The following LHFPL2 variants were observed in gnomAD, a reference collection of about 807,000 sequenced individuals.
The protein encoded by LHFPL2 is LHFPL tetraspan subfamily member 2.
In LHFPL2, 7 loss-of-function variants were observed where a neutral mutation model predicts 17.5. That is an observed-to-expected ratio of 0.40 (90% CI 0.23 to 0.75). The LOEUF (loss-of-function observed/expected upper bound fraction) is 0.75, where lower values mean the gene tolerates loss of function less well. LHFPL2 is among the 30% of genes least tolerant of loss of function. LHFPL2 has a pLI of 0.37. For missense variants in LHFPL2, 241 were observed against 294.8 expected (o/e 0.82, Z 1.34); for synonymous variants, 134 against 116.2 (o/e 1.15, Z -0.99).
intron 4 of LHFPL2, among the ~76,000 whole-genome samples, chr5:78,495,376 C>T (rs540333759): frequency 6.6e-6 from 1 of 152,188 alleles, no homozygotes; most frequent in Non-Finnish European, 1.5e-5. Context: ...CTTTGTGGGT[C>T]ACCAACCATT....
intron 2 of LHFPL2, among the ~76,000 whole-genome samples, chr5:78,588,545 T>A (rs538469393): frequency 3.9e-5 from 6 of 152,304 alleles, no homozygotes; most frequent in East Asian, 1.9e-4. Flanking sequence ...CTATTTTTTT[T>A]AATGAGAAAC....
At chr5:78,514,357 TAAAA>T (rs56725399) in intron 3 of LHFPL2, among the ~76,000 whole-genome samples, 42,157 of 147,150 alleles carry the variant, frequency 0.29, 6,185 homozygotes, top group East Asian at 0.47. Context: ...CCTCTTCACT[TAAAA>T]AAAAAAAAAA....
At chr5:78,578,506 G>A (rs1295837863) in intron 2 of LHFPL2, among the ~76,000 whole-genome samples, 2 of 152,040 alleles carry the variant, frequency 1.3e-5, no homozygotes, top group African/African-American at 4.8e-5. Context: ...TTCTGGTACA[G>A]AGGTTTTGGC....
At chr5:78,512,712 G>A (rs1157911912) in intron 3 of LHFPL2, among the ~76,000 whole-genome samples, 1 of 150,212 alleles carries the variant, frequency 6.7e-6, no homozygotes, top group Non-Finnish European at 1.5e-5. Context: ...CCATTTTACT[G>A]TTATGCACAA....
chr5:78,529,860 T>C (rs1425937297), intron 3 of LHFPL2, among the ~76,000 whole-genome samples: 2 of 152,216 alleles, frequency 1.3e-5, no homozygotes, highest in Non-Finnish European at 2.9e-5. Flanking sequence ...TTTTAATATC[T>C]TTGCAAAAAT....
chr5:78,563,574 T>C (rs1218413780), intron 3 of LHFPL2, among the ~76,000 whole-genome samples: 2 of 151,826 alleles, frequency 1.3e-5, no homozygotes, highest in East Asian at 1.9e-4. Flanking sequence ...TGCATGTCTG[T>C]AGTCCCAGTT....
chr5:78,520,561 G>T (rs944803178), intron 3 of LHFPL2, among the ~76,000 whole-genome samples: 2 of 152,238 alleles, frequency 1.3e-5, no homozygotes, highest in Non-Finnish European at 2.9e-5. Flanking sequence ...GTCTCTGGTT[G>T]GAAGGGAGAC....
At chr5:78,523,261 C>T (rs1396754340) in intron 3 of LHFPL2, among the ~76,000 whole-genome samples, 1 of 152,162 alleles carries the variant, frequency 6.6e-6, no homozygotes, top group Admixed American at 6.5e-5. Context: ...GTTCTCACAG[C>T]CCCTCGTACC....
At chr5:78,530,326 C>T (rs1164193508) in intron 3 of LHFPL2, among the ~76,000 whole-genome samples, 1 of 152,100 alleles carries the variant, frequency 6.6e-6, no homozygotes, top group Admixed American at 6.5e-5. Flanking sequence ...TTTTTGGTTT[C>T]ACATATACAT....
At chr5:78,496,851 A>G (rs189993381) in intron 4 of LHFPL2, among the ~76,000 whole-genome samples, 2 of 152,226 alleles carry the variant, frequency 1.3e-5, no homozygotes, top group Admixed American at 1.3e-4. Flanking sequence ...CAGTCTAAAC[A>G]CAAGGGTGCC....
At chr5:78,581,909 C>T (rs917282986) in intron 2 of LHFPL2, among the ~76,000 whole-genome samples, 3 of 152,208 alleles carry the variant, frequency 2.0e-5, no homozygotes, top group African/African-American at 7.2e-5. Flanking sequence ...GGCTGTGAAT[C>T]CATCTGGTCC....
chr5:78,515,784 G>A (rs1415386256), intron 3 of LHFPL2, among the ~76,000 whole-genome samples: 1 of 152,190 alleles, frequency 6.6e-6, no homozygotes, highest in South Asian at 2.1e-4. Flanking sequence ...AAAGGCCACT[G>A]TGAGGCAGCG....
At chr5:78,559,371 G>A (rs1756664127) in intron 3 of LHFPL2, among the ~76,000 whole-genome samples, 1 of 152,162 alleles carries the variant, frequency 6.6e-6, no homozygotes, top group Admixed American at 6.5e-5. Context: ...TGGGCATCGA[G>A]GATATACTAC....
intron 2 of LHFPL2, among the ~76,000 whole-genome samples, chr5:78,584,606 G>T (rs1743294618): frequency 6.6e-6 from 1 of 152,140 alleles, no homozygotes; most frequent in South Asian, 2.1e-4. Flanking sequence ...GGGGGTCAGG[G>T]GTCAGGGACC....
rs537952165 is a variant in LHFPL2, at chr5:78,574,248, T to TA, written c.-244-9378dup. ...GTATTTCACATTTCCCTTTAGCTGT[T>TA]AAAGACGTGGGGAGGGTGCCCTCTG... On this transcript the variant is annotated intron_variant, in intron 2 of 4. Transcript: ENST00000380345. Among the ~76,000 whole-genome samples the TA allele has an allele frequency of 3.9e-5, 6 of 152,324 alleles. No individual in the cohort carries two copies. In the East Asian group the frequency reaches 1.2e-3, roughly 29 times the overall value.
chr5:78,493,740 G>A (rs941928952), intron 4 of LHFPL2, among the ~76,000 whole-genome samples: 7 of 152,160 alleles, frequency 4.6e-5, no homozygotes, highest in African/African-American at 1.2e-4. Context: ...GTTCTAGGCC[G>A]GTGAGCCCTG....
intron 2 of LHFPL2, among the ~76,000 whole-genome samples, chr5:78,613,572 GAATAA>G (rs34460880): frequency 0.31 from 47,275 of 151,788 alleles, 8,766 homozygotes; most frequent in Non-Finnish European, 0.43. Context: ...GCAGTGTCTG[GAATAA>G]AATAGATGCT....
intron 3 of LHFPL2, among the ~76,000 whole-genome samples, chr5:78,537,643 C>T (rs1013231573): frequency 2.0e-5 from 3 of 152,174 alleles, no homozygotes; most frequent in East Asian, 3.8e-4. Context: ...GTTAAAGAGG[C>T]GCCAAGGCCA....
chr5:78,534,864 A>G (rs1755899353), intron 3 of LHFPL2, among the ~76,000 whole-genome samples: 1 of 152,202 alleles, frequency 6.6e-6, no homozygotes, highest in Admixed American at 6.5e-5. Context: ...GGGTAGAGGC[A>G]GGGGCAAGGC....
Sources: allele counts gnomAD v4.1 joint callset (sites outside exome capture counted in the v4.1 genomes callset), GRCh38; gene constraint gnomAD v4.1.1; transcripts MANE v1.5; gene names NCBI Gene and HGNC (gene_info 2026-07-23, HGNC 2026-07-21).